The following EBF3 variants were observed in gnomAD, a reference collection of about 807,000 sequenced individuals.
EBF3 encodes the protein transcription factor COE3.
EBF3 carries 18 observed loss-of-function variants against 77.1 expected under a neutral mutation model. The observed-to-expected ratio is 0.23, with a 90% confidence interval of 0.16 to 0.35. The LOEUF (loss-of-function observed/expected upper bound fraction) is 0.35, where lower values mean the gene tolerates loss of function less well. EBF3 is among the 10% of genes least tolerant of loss of function. The probability of loss-of-function intolerance (pLI) is 1.00; values close to 1 mark genes in which losing one functional copy is unlikely to be tolerated. For missense variants in EBF3, 558 were observed against 860.0 expected (o/e 0.65, Z 4.39); for synonymous variants, 350 against 343.5 (o/e 1.02, Z -0.21).
chr10:129,963,848 G>C lies in EBF3; in HGVS notation c.-80C>G. ...GGCGCTCGGGGCTTGGCGGCAGGCGGCTGCCCTGGCCGCCCTCGCCCTGCT... is the reference window on the plus strand; with the variant it reads ...GGCGCTCGGGGCTTGGCGGCAGGCGCCTGCCCTGGCCGCCCTCGCCCTGCT... On this transcript the variant is annotated 5_prime_UTR_variant, in exon 1 of 17. Transcript: ENST00000440978. The surrounding 1 kb of genome is among the most constrained non-coding windows in gnomAD (Gnocchi z 7.1). 6.3e-6 allele frequency: 9 copies of C among 1,420,768 alleles called. No individual in the cohort carries two copies. Among genetic ancestry groups the C allele is most frequent in the Non-Finnish European group, 8.4e-6 (9 of 1,074,624 alleles). The allele number at this position is 1,420,768 out of a possible 1,614,324, so 88.0% of individuals were successfully genotyped here. A position where few individuals can be genotyped will look rare whatever the true frequency, so the allele number is the denominator to read the frequency against.
intron 6 of EBF3, among the ~76,000 whole-genome samples, chr10:129,887,979 C>T (rs1853727567): frequency 6.6e-6 from 1 of 152,198 alleles, no homozygotes. Context: ...GCTGATCCAT[C>T]CCAATCGGCC....
rs1366587871 is a variant in EBF3 at position 129,938,160 on chromosome 10, T to A, written c.554+19098A>T. 6.6e-6 allele frequency among the ~76,000 whole-genome samples: 1 copy of A among 152,170 alleles called. No homozygotes were observed. Among genetic ancestry groups the A allele is most frequent in the African/African-American group, 2.4e-5 (1 of 41,432 alleles). ...CTCCTGCTGAGTTTTTGTGCGAGGC[T>A]AGCCCCCCGCATGAGGCTTCATCAG... On this transcript the variant is annotated intron_variant, in intron 6 of 16. Transcript: ENST00000440978. This position sits in a 1 kb window ranked among gnomAD's most constrained non-coding sequence, Gnocchi z 5.1.
In EBF3 at chr10:129,835,437, C is replaced by CAGTGA. The variant is rs1849563590; in HGVS notation, c.*2501_*2505dup. Reference sequence around the variant, plus strand: ...TTTAGTGAAGTGCTCAGTCTTGAGACAGTGAAGTGATGTGGGCATTGACTA... The same window carrying CAGTGA: ...TTTAGTGAAGTGCTCAGTCTTGAGACAGTGAAGTGAAGTGATGTGGGCATTGACTA... On this transcript the variant is annotated 3_prime_UTR_variant, in exon 17 of 17. Transcript: ENST00000440978. The CAGTGA allele has an allele frequency of 6.6e-6, 1 of 152,206 alleles. No homozygotes were observed. The highest frequency in any genetic ancestry group is 1.5e-5 in the Non-Finnish European group (1 of 68,040). The allele number at this position is 152,206 out of a possible 1,614,324, so 9.4% of individuals were successfully genotyped here. A position where few individuals can be genotyped will look rare whatever the true frequency, so the allele number is the denominator to read the frequency against.
chr10:129,862,335 G>A (rs887150013), intron 10 of EBF3, among the ~76,000 whole-genome samples: 30 of 152,144 alleles, frequency 2.0e-4, no homozygotes, highest in Admixed American at 1.9e-3. Flanking sequence ...AGCGGTCCAG[G>A]TATTCCGCCG....
intron 6 of EBF3, among the ~76,000 whole-genome samples, chr10:129,889,107 A>C (rs1283310376): frequency 1.3e-5 from 2 of 152,250 alleles, no homozygotes; most frequent in Non-Finnish European, 2.9e-5. Context: ...CAGCATCTGC[A>C]GAAGGCCCTG....
rs371694681 is a variant in EBF3 at position 129,862,670 on chromosome 10, G to GT, written c.1039+4470dup. 3.5e-3 allele frequency among the ~76,000 whole-genome samples: 532 copies of GT among 152,298 alleles called. 4 individuals are homozygous for GT. The highest frequency in any genetic ancestry group is 0.012 in the African/African-American group (518 of 41,554). On this transcript the variant is annotated intron_variant, in intron 10 of 16. Transcript: ENST00000440978. The stretch of plus-strand genomic sequence containing the variant: ...GCCAAATGGACACTGTTGGAAAACA[G>GT]TAACACACGCATTTGTGCCATGATG...
intron 6 of EBF3, among the ~76,000 whole-genome samples, chr10:129,939,894 G>C (rs1022602521): frequency 2.0e-5 from 3 of 152,350 alleles, no homozygotes; most frequent in Middle Eastern, 3.4e-3. Flanking sequence ...GACTTACGAG[G>C]AGTTATGCTA....
rs1030134967 is a variant in EBF3 at position 129,919,108 on chromosome 10, A to C, written c.554+38150T>G. ...GTGCTTGGGGACAGTGGGGAGGGCG[A>C]GTACGCAGGTGACCAAACACAACGC... On this transcript the variant is annotated intron_variant, in intron 6 of 16. Coordinates refer to ENST00000440978, the MANE Select transcript of EBF3 (RefSeq NM_001375380.1). Among the ~76,000 whole-genome samples the C allele has an allele frequency of 4.4e-4, 67 of 152,192 alleles. 1 individual carries two copies. The highest frequency in any genetic ancestry group is 1.5e-3 in the African/African-American group (63 of 41,454).
At chr10:129,931,072 A>G (rs1237023896) in intron 6 of EBF3, among the ~76,000 whole-genome samples, 1 of 151,452 alleles carries the variant, frequency 6.6e-6, no homozygotes, top group Admixed American at 6.6e-5. Flanking sequence ...CTGTATCTAT[A>G]TCTGTCTATA....
intron 10 of EBF3, among the ~76,000 whole-genome samples, chr10:129,850,026 C>G (rs1025569081): frequency 2.6e-5 from 4 of 152,222 alleles, no homozygotes; most frequent in Non-Finnish European, 5.9e-5. Context: ...AAGCATAGTT[C>G]GGGCCGCGGG....
chr10:129,875,103 C>A (rs534321384), intron 7 of EBF3, among the ~76,000 whole-genome samples: 1 of 149,836 alleles, frequency 6.7e-6, no homozygotes, highest in African/African-American at 2.5e-5. Flanking sequence ...ATTAAACATA[C>A]AAATAAGTAG....
chr10:129,879,636 C>G lies in EBF3; in HGVS notation c.555-1787G>C, dbSNP rs934832972. Among the ~76,000 whole-genome samples the G allele has an allele frequency of 2.0e-5, 3 of 152,224 alleles. No individual in the cohort carries two copies. Among genetic ancestry groups the G allele is most frequent in the Admixed American group, 2.0e-4 (3 of 15,288 alleles). ...TACATCTTTTATTAACTCACCTCAC[C>G]TATACACTTAGCTCACAATGCCTCT... On this transcript the variant is annotated intron_variant, in intron 6 of 16. Transcript: ENST00000440978. This position sits in a 1 kb window ranked among gnomAD's most constrained non-coding sequence, Gnocchi z 4.7.
intron 6 of EBF3, among the ~76,000 whole-genome samples, chr10:129,932,042 C>T (rs1008028267): frequency 6.6e-6 from 1 of 152,152 alleles, no homozygotes; most frequent in African/African-American, 2.4e-5. Flanking sequence ...GAAGAGAGGG[C>T]TTGGTCCGCT....
chr10:129,947,345 C>T lies in EBF3; in HGVS notation c.554+9913G>A, dbSNP rs1858305473. 6.6e-6 allele frequency among the ~76,000 whole-genome samples: 1 copy of T among 152,162 alleles called. No homozygotes were observed. The highest frequency in any genetic ancestry group is 6.5e-5 in the Admixed American group (1 of 15,280). ...ATTAAATACCACATATAACTCTCAG[C>T]AGGTTTTATGTTGTGTTTTACTGTC... On this transcript the variant is annotated intron_variant, in intron 6 of 16. Coordinates refer to ENST00000440978, the MANE Select transcript of EBF3 (RefSeq NM_001375380.1). The surrounding 1 kb of genome is among the most constrained non-coding windows in gnomAD (Gnocchi z 4.5).
chr10:129,933,064 G>C (rs762122411), intron 6 of EBF3, among the ~76,000 whole-genome samples: 1 of 152,044 alleles, frequency 6.6e-6, no homozygotes, highest in Non-Finnish European at 1.5e-5. Flanking sequence ...GAGAAAGTGC[G>C]GGCGGCAGTG....
intron 10 of EBF3, among the ~76,000 whole-genome samples, chr10:129,859,423 C>T (rs1254368138): frequency 6.6e-6 from 1 of 152,110 alleles, no homozygotes; most frequent in Non-Finnish European, 1.5e-5. Flanking sequence ...CAGGGTTTTA[C>T]CATGTTGGCC....
At chr10:129,922,889 A>G (rs530458946) in intron 6 of EBF3, among the ~76,000 whole-genome samples, 25 of 152,298 alleles carry the variant, frequency 1.6e-4, no homozygotes, top group South Asian at 8.3e-4. Flanking sequence ...AGGGTTCCAG[A>G]TGGGCTCAGG....
At position 129,842,193 on chromosome 10, in the gene EBF3, G is replaced by A. The variant is rs748820258; in HGVS notation, c.1295C>T (p.Thr432Met). The A allele has an allele frequency of 6.1e-5, 98 of 1,614,102 alleles. No homozygotes were observed. The highest frequency in any genetic ancestry group is 1.0e-4 in the Admixed American group (6 of 60,008). The change falls in exon 13 of 17, where the codon ACG becomes ATG. Residue 432 changes from threonine to methionine, a missense_variant. Coordinates refer to ENST00000440978, the MANE Select transcript of EBF3 (RefSeq NM_001375380.1). This position sits in a 1 kb window ranked among gnomAD's most constrained non-coding sequence, Gnocchi z 4.4. Reference sequence around the variant, plus strand: ...GAAGGAGTTGACGCCCATCATGCCCGTGTGTGCAGGGTTGTTGCCCAGGGT... The same window carrying A: ...GAAGGAGTTGACGCCCATCATGCCCATGTGTGCAGGGTTGTTGCCCAGGGT... ...IPTLGNNPAH[T>M]GMMGVNSFSS...
intron 9 of EBF3, 32 bp downstream of exon 9, chr10:129,867,750 C>A: frequency 6.2e-7 from 1 of 1,611,076 alleles, no homozygotes; most frequent in South Asian, 1.1e-5. Flanking sequence ...AAGACAGCAA[C>A]AGCGCGAAGC....
Sources: gnomAD v4.1 joint callset for allele counts (sites outside exome capture counted in the v4.1 genomes callset) on GRCh38, gnomAD v4.1.1 for gene constraint, Gnocchi (gnomAD v3.1) non-coding constraint, MANE v1.5 for transcripts, NCBI Gene and HGNC (gene_info 2026-07-23, HGNC 2026-07-21) for gene names.